NCOR1: variants seen among roughly 807,000 people sequenced by gnomAD.
NCOR1 encodes the protein nuclear receptor corepressor 1.
In NCOR1, 63 loss-of-function variants were observed where a neutral mutation model predicts 288.1. That is an observed-to-expected ratio of 0.22 (90% CI 0.18 to 0.27). The LOEUF is 0.27. NCOR1 is among the 10% of genes least tolerant of loss of function. The pLI is 1.00. For synonymous variants in NCOR1, 1,007 were observed against 1,065.9 expected (o/e 0.94, Z 1.08); for missense variants, 2,397 against 3,019.2 (o/e 0.79, Z 4.83).
At chr17:16,116,258 G>A (rs1463975874) in intron 18 of NCOR1, among the ~76,000 whole-genome samples, 1 of 152,092 alleles carries the variant, frequency 6.6e-6, no homozygotes, top group Non-Finnish European at 1.5e-5. Context: ...ATGAGACTTG[G>A]GTGGCAACAA....
chr17:16,180,913 C>G (rs2085269170), intron 3 of NCOR1, among the ~76,000 whole-genome samples: 2 of 152,188 alleles, frequency 1.3e-5, no homozygotes, highest in Admixed American at 1.3e-4. Context: ...AATCCCAGCA[C>G]TTTGGGAGGC....
chr17:16,171,304 T>A (rs932355431), intron 4 of NCOR1, among the ~76,000 whole-genome samples: 2 of 152,140 alleles, frequency 1.3e-5, no homozygotes, highest in African/African-American at 4.8e-5. Context: ...CTCTTTATTT[T>A]CCCAGTTTTC....
intron 40 of NCOR1, among the ~76,000 whole-genome samples, chr17:16,054,026 A>G (rs1053663437): frequency 2.0e-5 from 3 of 150,182 alleles, no homozygotes; most frequent in Admixed American, 6.6e-5. Flanking sequence ...TCTTTATACC[A>G]TATATATATA....
At chr17:16,194,912 CT>C (rs2089428179) in intron 1 of NCOR1, among the ~76,000 whole-genome samples, 1 of 152,124 alleles carries the variant, frequency 6.6e-6, no homozygotes, top group African/African-American at 2.4e-5. Context: ...CACATAATAA[CT>C]GCTCAGTAAA....
intron 19 of NCOR1, among the ~76,000 whole-genome samples, chr17:16,103,444 C>T (rs1367203582): frequency 6.6e-6 from 1 of 152,180 alleles, no homozygotes; most frequent in Non-Finnish European, 1.5e-5. Flanking sequence ...ATAACTCACT[C>T]TCTCACTCTC....
At chr17:16,059,343 T>G (rs955087139) in intron 37 of NCOR1, among the ~76,000 whole-genome samples, 1 of 152,214 alleles carries the variant, frequency 6.6e-6, no homozygotes, top group Non-Finnish European at 1.5e-5. Flanking sequence ...TAACACTATA[T>G]AATGATTTTC....
chr17:16,189,782 TTA>T (rs2087709732), intron 2 of NCOR1, among the ~76,000 whole-genome samples: 1 of 152,142 alleles, frequency 6.6e-6, no homozygotes, highest in Non-Finnish European at 1.5e-5. Context: ...TGAAACTTTA[TTA>T]TAAGTTTGAT....
In NCOR1 at chr17:16,166,994, A is replaced by G. The variant is rs150852281; in HGVS notation, c.436-1833T>C. ...CCTGAGAACTTAGAAATGTTAACGCATAAAGAAAGATCTTTGGTGAACCAC... is the reference window on the plus strand; with the variant it reads ...CCTGAGAACTTAGAAATGTTAACGCGTAAAGAAAGATCTTTGGTGAACCAC... On this transcript the variant is annotated intron_variant, in intron 4 of 45. Transcript: ENST00000268712. Among the ~76,000 whole-genome samples the G allele has an allele frequency of 1.3e-3, 198 of 152,188 alleles. 2 individuals carry two copies. In the Middle Eastern group the frequency reaches 0.014, roughly 11 times the overall value.
At chr17:16,183,739 C>A (rs2086025661) in intron 3 of NCOR1, among the ~76,000 whole-genome samples, 1 of 151,880 alleles carries the variant, frequency 6.6e-6, no homozygotes, top group South Asian at 2.1e-4. Flanking sequence ...GAAAAAACAA[C>A]CCTAAAATTC....
chr17:16,137,200 A>G (rs1317992226), intron 14 of NCOR1, 111 bp downstream of exon 14: 1 of 560,162 alleles, frequency 1.8e-6, no homozygotes, highest in Non-Finnish European at 3.1e-6. Flanking sequence ...AATTTAACAG[A>G]AACATCAATG....
intron 12 of NCOR1, 75 bp downstream of exon 12, chr17:16,138,933 T>C (rs186381865): frequency 1.8e-5 from 21 of 1,175,820 alleles, no homozygotes; most frequent in Non-Finnish European, 1.2e-6. Flanking sequence ...ACAGTTCAAT[T>C]TACAAGTAAA....
At position 16,057,594 on chromosome 17, in the gene NCOR1, T is replaced by C. The variant is rs145686457; in HGVS notation, c.6312A>G (p.Glu2104=). 715 of 1,614,046 alleles carry C rather than the reference T, an allele frequency of 4.4e-4. No individual in the cohort carries two copies. The highest frequency in any genetic ancestry group is 5.6e-4 in the Non-Finnish European group (662 of 1,180,028). ...GATGATGGACAGACTGAGCCTGGGATTCTGGGCTGTAACGGTTTGATGTTT... is the reference window on the plus strand; with the variant it reads ...GATGATGGACAGACTGAGCCTGGGACTCTGGGCTGTAACGGTTTGATGTTT... ...RTKTSNRYSP[E]SQAQSVHHQR... is the part of the protein sequence containing the mutation. Residue 2104 remains glutamate (E), a synonymous_variant, in exon 40 of 46, where the codon GAA becomes GAG. Transcript: ENST00000268712.
Position 16,194,528 on chromosome 17 carries a change from G to A in NCOR1, c.42C>T (p.Ser14=), listed in dbSNP as rs1268609193. ...GAGGAGGATAACGACTTTGTTCTGT[G>A]CTGAATGCTCCTTGGTTGGGAGGAT... The part of the protein sequence containing the change: ...SGYPPNQGAF[S]TEQSRYPPHS... Residue 14 remains serine, a synonymous_variant, in exon 2 of 46, where the codon AGC becomes AGT. Transcript: ENST00000268712. 1.2e-6 allele frequency: 2 copies of A among 1,610,100 alleles called. No individual in the cohort carries two copies. The highest frequency in any genetic ancestry group is 3.4e-5 in the Admixed American group (2 of 59,562).
At chr17:16,208,763 G>T (rs2091841047) in intron 1 of NCOR1, among the ~76,000 whole-genome samples, 1 of 151,770 alleles carries the variant, frequency 6.6e-6, no homozygotes, top group Non-Finnish European at 1.5e-5. Flanking sequence ...GTGAGCCCAG[G>T]ACTCGGAGGC....
chr17:16,156,467 G>GAAA (rs10672061), intron 6 of NCOR1, among the ~76,000 whole-genome samples: 2 of 120,966 alleles, frequency 1.7e-5, no homozygotes, highest in African/African-American at 6.3e-5. Context: ...GAAGGAAAGC[G>GAAA]AAAAAAAAAA....
intron 27 of NCOR1, among the ~76,000 whole-genome samples, chr17:16,074,656 C>A (rs1160486347): frequency 1.1e-4 from 16 of 152,054 alleles, no homozygotes; most frequent in African/African-American, 3.9e-4. Context: ...ATGACTACTC[C>A]AAGGTCACAG....
chr17:16,109,350 C>A (rs999150109), intron 18 of NCOR1, among the ~76,000 whole-genome samples: 4 of 151,928 alleles, frequency 2.6e-5, no homozygotes, highest in African/African-American at 9.7e-5. Flanking sequence ...CCTAAATATA[C>A]CGGTACATTT....
intron 9 of NCOR1, among the ~76,000 whole-genome samples, chr17:16,148,161 C>A (rs1392649534): frequency 1.3e-5 from 2 of 152,204 alleles, no homozygotes; most frequent in African/African-American, 4.8e-5. Context: ...CATTATGCAA[C>A]CTCCAGGACA....
intron 7 of NCOR1, among the ~76,000 whole-genome samples, chr17:16,152,333 G>A (rs538588063): frequency 1.3e-5 from 2 of 151,780 alleles, no homozygotes; most frequent in East Asian, 3.9e-4. Flanking sequence ...GCCCCGGTGT[G>A]TGATGTTCCC....
Sources: allele counts gnomAD v4.1 joint callset (sites outside exome capture counted in the v4.1 genomes callset), GRCh38; gene constraint gnomAD v4.1.1; transcripts MANE v1.5; gene names NCBI Gene and HGNC (gene_info 2026-07-23, HGNC 2026-07-21).